GLIS3: variants seen among roughly 807,000 people sequenced by gnomAD.
GLIS3 encodes the protein zinc finger protein GLIS3.
A neutral mutation model predicts 78.6 loss-of-function variants in GLIS3; 53 were observed. The ratio of observed to expected loss-of-function variants is 0.67; its 90% CI spans 0.54 to 0.85. The LOEUF (loss-of-function observed/expected upper bound fraction) is 0.85. Ranked by LOEUF, GLIS3 falls within the 40% of genes least tolerant of loss-of-function variation. GLIS3 has a pLI of 0.00. For missense variants in GLIS3, 1,703 were observed against 1,231.1 expected (o/e 1.38, Z -5.74); for synonymous variants, 684 against 509.9 (o/e 1.34, Z -4.60).
At chr9:4,309,625 C>T (rs1177626800) in intron 3 of GLIS3, among the ~76,000 whole-genome samples, 2 of 152,200 alleles carry the variant, frequency 1.3e-5, no homozygotes, top group South Asian at 2.1e-4. Context: ...AAGTCAGGCC[C>T]AGTCTACATT....
At chr9:4,229,167 G>C (rs1365136489) in intron 2 of GLIS3, among the ~76,000 whole-genome samples, 4 of 152,210 alleles carry the variant, frequency 2.6e-5, no homozygotes, top group Non-Finnish European at 5.9e-5. Context: ...AAGGATACAT[G>C]AGGGAACAGC....
intron 4 of GLIS3, among the ~76,000 whole-genome samples, chr9:4,097,689 T>C (rs898130377): frequency 1.3e-5 from 2 of 152,204 alleles, no homozygotes; most frequent in African/African-American, 4.8e-5. Context: ...GCTATTGTTG[T>C]TGAATGTGAA....
intron 2 of GLIS3, among the ~76,000 whole-genome samples, chr9:4,263,242 G>A (rs1347519297): frequency 6.6e-6 from 1 of 152,184 alleles, no homozygotes; most frequent in Non-Finnish European, 1.5e-5. Context: ...TGCAGACTCT[G>A]GGACAGAGAG....
At chr9:4,320,251 A>T (rs997680688) in intron 2 of GLIS3, among the ~76,000 whole-genome samples, 2 of 152,090 alleles carry the variant, frequency 1.3e-5, no homozygotes, top group African/African-American at 4.8e-5. Flanking sequence ...CATTCACTCC[A>T]GTTGCCTGAC....
intron 4 of GLIS3, among the ~76,000 whole-genome samples, chr9:3,971,904 G>C (rs10814811): frequency 0.19 from 29,010 of 152,032 alleles, 3,587 homozygotes; most frequent in East Asian, 0.47. Flanking sequence ...GGCAGTGCTG[G>C]GGATACTGAG....
chr9:4,219,767 C>A (rs77486824), intron 2 of GLIS3, among the ~76,000 whole-genome samples: 2 of 152,110 alleles, frequency 1.3e-5, no homozygotes, highest in Non-Finnish European at 2.9e-5. Flanking sequence ...TGGCTGGTAT[C>A]GGCAGCACGT....
Position 3,967,026 on chromosome 9 carries a change from A to AC in GLIS3, c.1711-29838_1711-29837insG, listed in dbSNP as rs1389842320. On this transcript the variant is annotated intron_variant, in intron 4 of 10. Coordinates refer to ENST00000381971, the MANE Select transcript of GLIS3 (RefSeq NM_001042413.2). The stretch of plus-strand genomic sequence containing the variant: ...TTTCTTTCTGCAAAAAAAAAAAAAA[A>AC]AAAAAAACAAAAAAACATTTTGAGG... 4.2e-5 allele frequency among the ~76,000 whole-genome samples: 6 copies of AC among 141,568 alleles called. 1 individual carries two copies. Among genetic ancestry groups the AC allele is most frequent in the African/African-American group, 1.1e-4 (4 of 35,136 alleles). 92.9% of individuals were successfully genotyped at this position (141,568 alleles called of 152,430 possible). A position where few individuals can be genotyped will look rare whatever the true frequency, so the allele number is the denominator to read the frequency against.
intron 2 of GLIS3, among the ~76,000 whole-genome samples, chr9:4,237,084 G>T (rs1822832420): frequency 7.6e-6 from 1 of 131,626 alleles, no homozygotes; most frequent in South Asian, 2.5e-4. Flanking sequence ...TTAGCAATAA[G>T]TATAAAGAAT....
intron 6 of GLIS3, among the ~76,000 whole-genome samples, chr9:3,913,404 C>G (rs1385985809): frequency 6.6e-6 from 1 of 152,202 alleles, no homozygotes; most frequent in Non-Finnish European, 1.5e-5. Context: ...TAAACATTAC[C>G]TACAGCTCAA....
intron 6 of GLIS3, among the ~76,000 whole-genome samples, chr9:3,927,280 G>T (rs900661334): frequency 3.3e-5 from 5 of 152,184 alleles, no homozygotes; most frequent in African/African-American, 1.2e-4. Context: ...CAATGTAGTA[G>T]AAGAGTAGTT....
chr9:3,889,381 G>T (rs1225487852), intron 7 of GLIS3, among the ~76,000 whole-genome samples: 1 of 152,158 alleles, frequency 6.6e-6, no homozygotes, highest in Non-Finnish European at 1.5e-5. Flanking sequence ...GATAGTACAT[G>T]AGTTCTGGAT....
intron 2 of GLIS3, among the ~76,000 whole-genome samples, chr9:4,134,149 A>G (rs371961633): frequency 2.0e-5 from 3 of 152,194 alleles, no homozygotes; most frequent in Non-Finnish European, 2.9e-5. Flanking sequence ...CCTGTTTTAT[A>G]TAAGCCTGGC....
At chr9:4,083,415 A>T (rs1828726745) in intron 4 of GLIS3, among the ~76,000 whole-genome samples, 1 of 152,150 alleles carries the variant, frequency 6.6e-6, no homozygotes, top group Non-Finnish European at 1.5e-5. Flanking sequence ...TTTAAATACT[A>T]GGTGAAATGC....
chr9:3,863,069 G>A (rs1460748710), intron 8 of GLIS3, among the ~76,000 whole-genome samples: 1 of 152,106 alleles, frequency 6.6e-6, no homozygotes, highest in Non-Finnish European at 1.5e-5. Context: ...GAAAAGCCCA[G>A]TTTTAAGGAT....
chr9:4,156,074 A>C (rs1208915925), intron 2 of GLIS3, among the ~76,000 whole-genome samples: 1 of 151,544 alleles, frequency 6.6e-6, no homozygotes, highest in Admixed American at 6.6e-5. Flanking sequence ...GTACATTCAA[A>C]CCCCAAGTCC....
intron 6 of GLIS3, among the ~76,000 whole-genome samples, chr9:3,921,562 G>C (rs893314876): frequency 6.6e-6 from 1 of 152,194 alleles, no homozygotes; most frequent in African/African-American, 2.4e-5. Flanking sequence ...GTGGAATAAT[G>C]AGTTGGCCTT....
chr9:3,829,571 C>A (rs1020094660), intron 9 of GLIS3, 79 bp from the exon 10 acceptor site: 68 of 1,475,328 alleles, frequency 4.6e-5, no homozygotes, highest in Non-Finnish European at 6.2e-5. Flanking sequence ...GCTAGAACCT[C>A]ACTCAGCCTG....
the GLIS3 span, among the ~76,000 whole-genome samples, chr9:4,388,877 T>C: frequency 6.6e-6 from 1 of 152,116 alleles, no homozygotes; most frequent in Admixed American, 6.5e-5. Context: ...TGTAAGCTGC[T>C]CCTGGAACAG....
chr9:4,065,547 C>G (rs1304872184), intron 4 of GLIS3, among the ~76,000 whole-genome samples: 3 of 152,090 alleles, frequency 2.0e-5, no homozygotes, highest in Admixed American at 2.0e-4. Context: ...TTAAGTAACA[C>G]AAATGTCATG....
Sources: allele counts gnomAD v4.1 joint callset (sites outside exome capture counted in the v4.1 genomes callset), GRCh38; gene constraint gnomAD v4.1.1; transcripts MANE v1.5; gene names NCBI Gene and HGNC (gene_info 2026-07-23, HGNC 2026-07-21).